Variants in CHGB observed in about 807,000 individuals in gnomAD.
The protein encoded by CHGB is secretogranin-1.
CHGB carries 46 observed loss-of-function variants against 69.9 expected under a neutral mutation model. The ratio of observed to expected loss-of-function variants is 0.66; its 90% CI spans 0.52 to 0.84. CHGB has a LOEUF of 0.84. Ranked by LOEUF, CHGB falls within the 40% of genes least tolerant of loss-of-function variation. CHGB has a pLI of 0.00. For synonymous variants in CHGB, 312 were observed against 298.2 expected (o/e 1.05, Z -0.48); for missense variants, 796 against 822.2 (o/e 0.97, Z 0.39).
At position 5,911,544 on chromosome 20, in the gene CHGB, G is replaced by T; in HGVS notation, c.-90G>T. ...GGACCAGGAGGCACGCTGGTTTTCC[G>T]GGGCCGCTCCATCGCGCCTTCCTCC... On this transcript the variant is annotated 5_prime_UTR_variant, in exon 1 of 5. Coordinates refer to ENST00000378961, the MANE Select transcript of CHGB (RefSeq NM_001819.3). 1 of 1,385,064 alleles carries T rather than the reference G, an allele frequency of 7.2e-7. No homozygotes were observed. Among genetic ancestry groups the T allele is most frequent in the South Asian group, 1.3e-5 (1 of 79,740 alleles). 85.8% of individuals were successfully genotyped at this position (1,385,064 alleles called of 1,614,324 possible).
rs150323757 is a variant in CHGB, at chr20:5,915,187, A to T, written c.50-1139A>T. Among the ~76,000 whole-genome samples the T allele has an allele frequency of 5.9e-5, 9 of 152,344 alleles. No individual in the cohort carries two copies. In the East Asian group the frequency reaches 1.7e-3, roughly 29 times the overall value. ...GTTCTAATAGAAAGGGCTTAGAACA[A>T]AGTCAAAGTGAAAAAAGAATCAAAG... On this transcript the variant is annotated intron_variant, in intron 1 of 4. Coordinates refer to ENST00000378961, the MANE Select transcript of CHGB (RefSeq NM_001819.3).
chr20:5,916,799 C>T, intron 2 of CHGB, 27 bp from the exon 3 acceptor site: 1 of 1,610,854 alleles, frequency 6.2e-7, no homozygotes, highest in Non-Finnish European at 8.5e-7. Context: ...ACCAGCTTCT[C>T]CAACCTGCTT....
chr20:5,911,901 G>T (rs2088449151), intron 1 of CHGB, among the ~76,000 whole-genome samples: 2 of 152,222 alleles, frequency 1.3e-5, no homozygotes, highest in African/African-American at 4.8e-5. Context: ...CCAACCAGGG[G>T]AGCCTCAGTC....
intron 3 of CHGB, among the ~76,000 whole-genome samples, chr20:5,920,595 C>T (rs1245187622): frequency 3.9e-5 from 6 of 152,176 alleles, no homozygotes; most frequent in Non-Finnish European, 7.3e-5. Context: ...AAGTGCTCTA[C>T]CTTGATGACC....
At position 5,921,609 on chromosome 20, in the gene CHGB, A is replaced by G. The variant is rs887392347; in HGVS notation, c.191-726A>G. Among the ~76,000 whole-genome samples, 3 of 152,222 alleles carry G rather than the reference A, an allele frequency of 2.0e-5. No homozygotes were observed. In the South Asian group the frequency reaches 6.2e-4, roughly 32 times the overall value. On this transcript the variant is annotated intron_variant, in intron 3 of 4. Transcript: ENST00000378961. Reference sequence around the variant, plus strand: ...ACACAAAGATAACTCACTGTGCTGAAGTCTGTCCCCAACATCTGAGAACAT... The same window carrying G: ...ACACAAAGATAACTCACTGTGCTGAGGTCTGTCCCCAACATCTGAGAACAT...
chr20:5,919,835 C>T (rs1301553233), intron 3 of CHGB, among the ~76,000 whole-genome samples: 1 of 152,192 alleles, frequency 6.6e-6, no homozygotes. Context: ...CCCATCTCCA[C>T]TCCCACTCCT....
At chr20:5,916,396 A>G in intron 2 of CHGB, 24 bp downstream of exon 2, 1 of 1,596,466 alleles carries the variant, frequency 6.3e-7, no homozygotes, top group Non-Finnish European at 8.6e-7. Context: ...TCAATCTTAG[A>G]ATCTAGACTT....
At chr20:5,916,563 C>T (rs2122569098) in intron 2 of CHGB, among the ~76,000 whole-genome samples, 191 bp downstream of exon 2, 1 of 152,308 alleles carries the variant, frequency 6.6e-6, no homozygotes, top group African/African-American at 2.4e-5. Flanking sequence ...GGTTTAGCAC[C>T]CCTGAGGATA....
At chr20:5,913,628 C>CTTTTTTT (rs918275521) in intron 1 of CHGB, among the ~76,000 whole-genome samples, 28 of 90,474 alleles carry the variant, frequency 3.1e-4, no homozygotes, top group African/African-American at 8.1e-4. Flanking sequence ...CTTTTCTTTT[C>CTTTTTTT]TTTTTTTTTT....
Position 5,922,977 on chromosome 20 carries a change from G to A in CHGB, c.833G>A (p.Arg278His), listed in dbSNP as rs779349247. 71 of 1,609,506 alleles carry A rather than the reference G, an allele frequency of 4.4e-5. No homozygotes were observed. Among genetic ancestry groups the A allele is most frequent in the Non-Finnish European group, 5.8e-5 (68 of 1,177,926 alleles). The stretch of plus-strand genomic sequence containing the variant: ...GCCACCTCTGAGGTGGACAAACGAC[G>A]CACGAGGCCCAGACACCACCACGGG... Reference protein sequence around the residue: ...EDATSEVDKRRTRPRHHHGRS... With the variant: ...EDATSEVDKRHTRPRHHHGRS... Residue 278 changes from arginine (R) to histidine (H), a missense_variant, in exon 4 of 5, where the codon CGC becomes CAC. This residue lies in a region of CHGB where 518 missense variants were observed against 506.3 expected (regional missense o/e 1.02). Transcript: ENST00000378961.
chr20:5,913,019 C>A (rs966274699), intron 1 of CHGB, among the ~76,000 whole-genome samples: 1 of 152,064 alleles, frequency 6.6e-6, no homozygotes, highest in Non-Finnish European at 1.5e-5. Flanking sequence ...TATTTCTGGT[C>A]AAAATACTTT....
intron 3 of CHGB, among the ~76,000 whole-genome samples, chr20:5,918,616 T>G (rs946653949): frequency 1.7e-4 from 26 of 151,070 alleles, no homozygotes; most frequent in Non-Finnish European, 3.2e-4. Flanking sequence ...ATCAAGACCA[T>G]CCTGTCTAAC....
chr20:5,921,756 G>T (rs1383544145), intron 3 of CHGB, among the ~76,000 whole-genome samples: 3 of 152,182 alleles, frequency 2.0e-5, no homozygotes, highest in African/African-American at 7.2e-5. Flanking sequence ...ATACTGCTAG[G>T]TTGAGCCTAC....
Position 5,924,050 on chromosome 20 carries a change from G to T in CHGB, c.1906G>T (p.Ala636Ser), listed in dbSNP as rs1182092961. Residue 636 changes from alanine to serine, a missense_variant, in exon 4 of 5, where the codon GCA becomes TCA. By Grantham distance (99) the Ala-to-Ser change is moderately conservative (BLOSUM62 1). This residue lies in a region of CHGB where 274 missense variants were observed against 298.9 expected (regional missense o/e 0.92). Transcript: ENST00000378961. ...SEEPVSTHQE[A>S]ENEKDRADQT... ...GGAGCCGGTGAGCACCCACCAGGAG[G>T]CAGAAAATGAAAAGGACAGGGCTGA... The T allele has an allele frequency of 1.9e-5, 31 of 1,613,382 alleles. No homozygotes were observed. Among genetic ancestry groups the T allele is most frequent in the Non-Finnish European group, 2.5e-5 (30 of 1,179,726 alleles).
rs748056324 is a variant in CHGB at position 5,923,218 on chromosome 20, G to A, written c.1074G>A (p.Glu358=). 4 of 1,613,862 alleles carry A rather than the reference G, an allele frequency of 2.5e-6. No homozygotes were observed. The South Asian group carries it at 4.4e-5, about 18-fold the overall frequency. ...GCGTCCAGGCCCCTGAGGACCTGGA[G>A]TGGGAGCGCTATAGGGGCAGAGGAA... ...YPGVQAPEDL[E]WERYRGRGSE... The change falls in exon 4 of 5, where the codon GAG becomes GAA. Residue 358 remains glutamate (E), a synonymous_variant. Transcript: ENST00000378961.
intron 1 of CHGB, among the ~76,000 whole-genome samples, chr20:5,911,984 TG>T (rs1222740215): frequency 6.6e-6 from 1 of 152,222 alleles, no homozygotes; most frequent in Non-Finnish European, 1.5e-5. Flanking sequence ...CCTCACATTT[TG>T]TATTCGCTTC....
At chr20:5,917,479 T>G (rs2088482645) in intron 3 of CHGB, 1 of 155,676 alleles carries the variant, frequency 6.4e-6, no homozygotes. Context: ...ATGTATAGCT[T>G]ACTAGAATAG....
chr20:5,916,597 G>T (rs1055733601), intron 2 of CHGB, among the ~76,000 whole-genome samples: 14 of 152,116 alleles, frequency 9.2e-5, no homozygotes, highest in African/African-American at 2.7e-4. Flanking sequence ...TTCAGAAATG[G>T]GTGTTTATTT....
chr20:5,924,967 T>C lies in CHGB; in HGVS notation c.1957-5T>C. 1 of 1,605,264 alleles carries C rather than the reference T, an allele frequency of 6.2e-7. No individual in the cohort carries two copies. The highest frequency in any genetic ancestry group is 8.5e-7 in the Non-Finnish European group (1 of 1,172,484). On this transcript the variant is annotated splice_region_variant and splice_polypyrimidine_tract_variant and intron_variant, in intron 4 of 4. Transcript: ENST00000378961. ...CTCATGCCTCCACTTTTCTGTATTT[T>C]CCAGAAAAAAGAACTCGAAAACTTG...
Sources: gnomAD v4.1 joint callset for allele counts (sites outside exome capture counted in the v4.1 genomes callset) on GRCh38, gnomAD v4.1.1 for gene constraint, gnomAD v4.1.1 regional missense constraint, MANE v1.5 for transcripts, NCBI Gene and HGNC (gene_info 2026-07-23, HGNC 2026-07-21) for gene names.